Variants in USP28 observed in about 807,000 individuals in gnomAD.
USP28 encodes the protein ubiquitin specific peptidase 28, also known as ubiquitin carboxyl-terminal hydrolase 28.
USP28 carries 113 observed loss-of-function variants against 145.0 expected under a neutral mutation model. That is an observed-to-expected ratio of 0.78 (90% CI 0.67 to 0.91). USP28 has a LOEUF of 0.91. Among genes scored for constraint, USP28 ranks in the 40% least tolerant of loss-of-function variants. The pLI, the probability that USP28 is intolerant of heterozygous loss-of-function variation, is 0.00. For synonymous variants in USP28, 447 were observed against 450.9 expected (o/e 0.99, Z 0.11); for missense variants, 1,201 against 1,289.6 (o/e 0.93, Z 1.05).
At chr11:113,809,343 T>C (rs1940582561) in intron 16 of USP28, 89 bp from the exon 17 acceptor site, 1 of 1,286,362 alleles carries the variant, frequency 7.8e-7, no homozygotes, top group Non-Finnish European at 1.1e-6. Context: ...TTCATCTTTA[T>C]CTTACTCCTA....
chr11:113,808,856 A>G (rs1218006096), intron 17 of USP28, among the ~76,000 whole-genome samples: 2 of 152,236 alleles, frequency 1.3e-5, no homozygotes, highest in Admixed American at 6.5e-5. Context: ...ACAGGTAGTT[A>G]GTCTTTCTGA....
chr11:113,798,656 GGAGA>G (rs1381052012), exon 25 of USP28: 2 of 152,630 alleles, frequency 1.3e-5, no homozygotes, highest in East Asian at 1.9e-4. Flanking sequence ...AGAAAAGAAA[GGAGA>G]GAGACAGGTC....
chr11:113,854,370 C>T, intron 1 of USP28, 35 bp from the exon 2 acceptor site: 1 of 1,587,896 alleles, frequency 6.3e-7, no homozygotes, highest in East Asian at 2.2e-5. Context: ...ACAAACATGT[C>T]AGTCAGAAAG....
intron 1 of USP28, chr11:113,874,586 A>T (rs1166473032): frequency 2.1e-5 from 27 of 1,288,702 alleles, no homozygotes; most frequent in Non-Finnish European, 2.6e-5. Flanking sequence ...TATTTGAACA[A>T]CTGGCACAGA....
At chr11:113,854,668 C>A (rs1190779721) in intron 1 of USP28, among the ~76,000 whole-genome samples, 1 of 152,150 alleles carries the variant, frequency 6.6e-6, no homozygotes, top group Non-Finnish European at 1.5e-5. Context: ...CCAAAGTCCG[C>A]TGGGATTACA....
chr11:113,812,349 G>A, exon 16 of USP28: 1 of 1,614,004 alleles, frequency 6.2e-7, no homozygotes, highest in South Asian at 1.1e-5. Context: ...GGCCTCCATA[G>A]GAATCTCTTT....
intron 23 of USP28, among the ~76,000 whole-genome samples, chr11:113,802,236 A>G (rs902730144): frequency 2.0e-5 from 3 of 152,238 alleles, no homozygotes; most frequent in Non-Finnish European, 2.9e-5. Context: ...TGGTGATTTA[A>G]AATATAAAAA....
intron 24 of USP28, among the ~76,000 whole-genome samples, chr11:113,801,064 G>C (rs1484375507): frequency 6.6e-6 from 1 of 151,980 alleles, no homozygotes. Flanking sequence ...ACTTGGTCTT[G>C]AACTCCTGGC....
At chr11:113,845,716 A>G (rs1162407115) in intron 3 of USP28, among the ~76,000 whole-genome samples, 1 of 152,132 alleles carries the variant, frequency 6.6e-6, no homozygotes, top group Non-Finnish European at 1.5e-5. Flanking sequence ...CTGGGACTAC[A>G]GGCATACACC....
intron 1 of USP28, among the ~76,000 whole-genome samples, chr11:113,866,962 TAAAATG>T (rs1319195172): frequency 1.6e-5 from 2 of 123,226 alleles, no homozygotes; most frequent in African/African-American, 2.6e-5. Flanking sequence ...ACTCAGTGAT[TAAAATG>T]AAAAACTCAT....
intron 18 of USP28, 116 bp from the exon 20 acceptor site, chr11:113,806,700 G>A (rs1160008092): frequency 1.2e-5 from 8 of 646,200 alleles, no homozygotes; most frequent in Non-Finnish European, 2.0e-5. Context: ...TGTGCTCTTT[G>A]GCCAGCATGT....
intron 24 of USP28, among the ~76,000 whole-genome samples, chr11:113,800,777 T>A (rs1397682626): frequency 6.6e-6 from 1 of 151,964 alleles, no homozygotes; most frequent in Non-Finnish European, 1.5e-5. Flanking sequence ...GTTAATATGC[T>A]ATATAACTTC....
intron 10 of USP28, chr11:113,828,985 C>G (rs184360495): frequency 1.8e-5 from 13 of 707,966 alleles, no homozygotes; most frequent in Middle Eastern, 2.4e-4. Flanking sequence ...AACCTTTACA[C>G]GAGTAACTCA....
exon 17 of USP28, chr11:113,809,211 G>C: frequency 6.2e-7 from 1 of 1,614,104 alleles, no homozygotes; most frequent in African/African-American, 1.3e-5. Context: ...CCACAGATAG[G>C]GCTTCCACTT....
At chr11:113,815,291 GAGA>G (rs535060090) in exon 14 of USP28, 228 of 1,614,112 alleles carry the variant, frequency 1.4e-4, no homozygotes, top group Non-Finnish European at 1.9e-4. Context: ...ATGGAAGACC[GAGA>G]AGATGTCAGT....
intron 1 of USP28, among the ~76,000 whole-genome samples, chr11:113,860,242 A>G (rs1947510620): frequency 6.6e-6 from 1 of 152,256 alleles, no homozygotes; most frequent in Middle Eastern, 3.4e-3. Context: ...CAGTGATGCT[A>G]TTTTCATCAT....
chr11:113,861,625 TGAAAAG>T (rs1387666799), intron 1 of USP28, among the ~76,000 whole-genome samples: 1 of 152,184 alleles, frequency 6.6e-6, no homozygotes, highest in Non-Finnish European at 1.5e-5. Context: ...GGGTATAAAA[TGAAAAG>T]GAAATCACCT....
chr11:113,814,657 T>G (rs1382155004), intron 14 of USP28, among the ~76,000 whole-genome samples: 2 of 151,026 alleles, frequency 1.3e-5, no homozygotes, highest in Non-Finnish European at 2.9e-5. Flanking sequence ...CCAGAAATTT[T>G]GAGGGGGAGA....
chr11:113,835,950 T>C (rs937116054), intron 5 of USP28, among the ~76,000 whole-genome samples: 2 of 152,056 alleles, frequency 1.3e-5, no homozygotes, highest in Admixed American at 6.5e-5. Flanking sequence ...CATGGTGGCA[T>C]GCCTATAGTC....
Sources: gnomAD v4.1 joint callset for allele counts (sites outside exome capture counted in the v4.1 genomes callset) on GRCh38, gnomAD v4.1.1 for gene constraint, MANE v1.5 for transcripts, NCBI Gene and HGNC (gene_info 2026-07-23, HGNC 2026-07-21) for gene names.